Variants in INPP4B observed in about 807,000 individuals in gnomAD.
INPP4B encodes the protein inositol polyphosphate-4-phosphatase type II B.
A neutral mutation model predicts 122.5 loss-of-function variants in INPP4B; 55 were observed. The ratio of observed to expected loss-of-function variants is 0.45; its 90% CI spans 0.36 to 0.56. The LOEUF (loss-of-function observed/expected upper bound fraction) is 0.56. INPP4B is among the 20% of genes least tolerant of loss of function. INPP4B has a pLI of 0.00. For missense variants in INPP4B, 1,000 were observed against 1,097.7 expected (o/e 0.91, Z 1.26); for synonymous variants, 403 against 388.7 (o/e 1.04, Z -0.43).
At chr4:142,603,542 C>T (rs935240662) in intron 2 of INPP4B, among the ~76,000 whole-genome samples, 1 of 151,264 alleles carries the variant, frequency 6.6e-6, no homozygotes, top group Admixed American at 6.6e-5. Context: ...ACAACTGATA[C>T]CACAGAAATG....
chr4:142,157,507 T>C (rs1401615982), intron 17 of INPP4B, among the ~76,000 whole-genome samples: 1 of 152,146 alleles, frequency 6.6e-6, no homozygotes. Flanking sequence ...TTGTATATGC[T>C]TTCCAGAAAC....
At position 142,122,129 on chromosome 4, in the gene INPP4B, G is replaced by T. The variant is rs1364646936; in HGVS notation, c.2134C>A (p.Arg712=). 1.3e-6 allele frequency: 2 copies of T among 1,594,966 alleles called. No homozygotes were observed. Among genetic ancestry groups the T allele is most frequent in the Non-Finnish European group, 1.7e-6 (2 of 1,164,574 alleles). Residue 712 remains arginine, a splice_region_variant and synonymous_variant, in exon 21 of 26, where the codon CGA becomes AGA. Transcript: ENST00000262992. ...NDVLPVITGR[R]EHYVVEVKLP... is the part of the protein sequence containing the mutation. ...CTTCAGGAAGTGAGCACTGCTTACC[G>T]TCTTCCTGTTATAACTGGCAACACA...
intron 18 of INPP4B, among the ~76,000 whole-genome samples, chr4:142,144,619 A>T (rs1405071778): frequency 6.6e-6 from 1 of 152,156 alleles, no homozygotes; most frequent in African/African-American, 2.4e-5. Context: ...TTGTTAAAAA[A>T]GAAAATCCCT....
At chr4:142,400,886 A>T (rs1033292779) in intron 7 of INPP4B, among the ~76,000 whole-genome samples, 11 of 152,224 alleles carry the variant, frequency 7.2e-5, no homozygotes, top group Non-Finnish European at 7.3e-5. Flanking sequence ...TGCACATTTT[A>T]AATGAAGGAG....
intron 3 of INPP4B, among the ~76,000 whole-genome samples, chr4:142,455,332 T>C (rs1172414705): frequency 6.6e-6 from 1 of 152,042 alleles, no homozygotes; most frequent in African/African-American, 2.4e-5. Flanking sequence ...CCTAGCTTAC[T>C]GGTAACCATC....
At chr4:142,262,635 T>C (rs1740651295) in intron 10 of INPP4B, among the ~76,000 whole-genome samples, 1 of 152,174 alleles carries the variant, frequency 6.6e-6, no homozygotes, top group African/African-American at 2.4e-5. Context: ...GAAGGTACCA[T>C]CTGTGTCTCT....
intron 2 of INPP4B, among the ~76,000 whole-genome samples, chr4:142,545,637 CTATTT>C (rs576642952): frequency 2.5e-4 from 37 of 150,558 alleles, no homozygotes; most frequent in African/African-American, 8.9e-4. Context: ...TTTTCACATA[CTATTT>C]TATCTAGCCT....
intron 2 of INPP4B, among the ~76,000 whole-genome samples, chr4:142,523,612 C>G (rs887285136): frequency 6.6e-6 from 1 of 152,044 alleles, no homozygotes; most frequent in Non-Finnish European, 1.5e-5. Flanking sequence ...GCATTGCTCT[C>G]CTCCTGCTTT....
chr4:142,538,485 C>T (rs1298170948), intron 2 of INPP4B, among the ~76,000 whole-genome samples: 1 of 151,964 alleles, frequency 6.6e-6, no homozygotes, highest in East Asian at 1.9e-4. Context: ...ATACTTCAAC[C>T]ATAATATTTT....
At chr4:142,746,802 G>A (rs1227982336) in intron 1 of INPP4B, among the ~76,000 whole-genome samples, 2 of 152,134 alleles carry the variant, frequency 1.3e-5, no homozygotes, top group African/African-American at 2.4e-5. Context: ...AAGGTGTTGA[G>A]AAAACTGGCT....
chr4:142,493,539 C>T (rs1463405011), intron 2 of INPP4B, among the ~76,000 whole-genome samples: 1 of 152,168 alleles, frequency 6.6e-6, no homozygotes, highest in Non-Finnish European at 1.5e-5. Flanking sequence ...GACACAGAAT[C>T]AAAGGAGATC....
intron 23 of INPP4B, among the ~76,000 whole-genome samples, chr4:142,097,060 C>G (rs989889209): frequency 2.0e-5 from 3 of 151,420 alleles, no homozygotes; most frequent in African/African-American, 7.3e-5. Flanking sequence ...TGTATGTTCC[C>G]ATAATGAAAA....
chr4:142,426,920 T>A (rs1180889413), intron 5 of INPP4B: 1 of 151,968 alleles, frequency 6.6e-6, no homozygotes, highest in Admixed American at 6.6e-5. Context: ...CCCTCTTCCT[T>A]ACTGAATTTC....
chr4:142,488,784 G>A (rs924594478), intron 2 of INPP4B, among the ~76,000 whole-genome samples: 3 of 151,880 alleles, frequency 2.0e-5, no homozygotes, highest in Non-Finnish European at 4.4e-5. Context: ...AATCTGCCTT[G>A]CTGAGGTGCA....
rs1344163457 is a variant in INPP4B, at chr4:142,088,743, ATAACT to A, written c.2375-2492_2375-2488del. ...CAGAGAATGTGCATGAGAAAAAGAA[ATAACT>A]TAAATTCTTTTTCTTGGCTTCATGG... On this transcript the variant is annotated intron_variant, in intron 23 of 25. Transcript: ENST00000262992. Among the ~76,000 whole-genome samples the A allele has an allele frequency of 3.9e-5, 6 of 152,356 alleles. No homozygotes were observed. In the East Asian group the frequency reaches 7.7e-4, roughly 20 times the overall value.
rs191274626 is a variant in INPP4B at position 142,116,576 on chromosome 4, G to A, written c.2136-3894C>T. On this transcript the variant is annotated intron_variant, in intron 21 of 25. Transcript: ENST00000262992. ...CCTGAATGACTACTGGGTACATAACGAAATGAAAGCAGAAATAAAGATGTT... is the reference window on the plus strand; with the variant it reads ...CCTGAATGACTACTGGGTACATAACAAAATGAAAGCAGAAATAAAGATGTT... Among the ~76,000 whole-genome samples the A allele has an allele frequency of 1.5e-3, 221 of 152,226 alleles. 3 individuals carry two copies. Among genetic ancestry groups the A allele is most frequent in the Admixed American group, 0.013 (205 of 15,262 alleles).
intron 2 of INPP4B, among the ~76,000 whole-genome samples, chr4:142,636,246 T>C (rs1369139534): frequency 6.6e-6 from 1 of 152,130 alleles, no homozygotes; most frequent in African/African-American, 2.4e-5. Context: ...CTTTTCTTTA[T>C]AAATTACCAA....
At chr4:142,336,602 G>A (rs1366621910) in intron 7 of INPP4B, among the ~76,000 whole-genome samples, 2 of 152,276 alleles carry the variant, frequency 1.3e-5, no homozygotes, top group Admixed American at 6.5e-5. Context: ...ACCCCCTGGG[G>A]CTTCGCAGTT....
At chr4:142,634,842 G>T (rs1748739211) in intron 2 of INPP4B, among the ~76,000 whole-genome samples, 1 of 151,746 alleles carries the variant, frequency 6.6e-6, no homozygotes, top group Admixed American at 6.6e-5. Flanking sequence ...AACAATAAAA[G>T]GTATAAGAAC....
Sources: allele counts gnomAD v4.1 joint callset (sites outside exome capture counted in the v4.1 genomes callset), GRCh38; gene constraint gnomAD v4.1.1; transcripts MANE v1.5; gene names NCBI Gene and HGNC (gene_info 2026-07-23, HGNC 2026-07-21).